Variants in NRIP3 observed in about 807,000 individuals in gnomAD.
NRIP3 encodes the protein nuclear receptor interacting protein 3.
Under a neutral mutation model 29.0 loss-of-function variants are expected in NRIP3, and 31 were observed. That is an observed-to-expected ratio of 1.07 (90% confidence interval 0.80 to 1.44). The LOEUF (loss-of-function observed/expected upper bound fraction) is 1.44, where lower values mean the gene tolerates loss of function less well. Ranked by LOEUF, NRIP3 falls within the 40% of genes most tolerant of loss-of-function variation. The pLI is 0.00. For synonymous variants in NRIP3, 131 were observed against 118.3 expected (o/e 1.11, Z -0.70); for missense variants, 314 against 297.9 (o/e 1.05, Z -0.40).
chr11:9,000,754 C>T (rs1854779358), intron 1 of NRIP3, among the ~76,000 whole-genome samples: 2 of 149,248 alleles, frequency 1.3e-5, no homozygotes, highest in South Asian at 4.4e-4. Flanking sequence ...AGATGTTTTT[C>T]TCCAGCTTCA....
Position 8,980,581 on chromosome 11 carries a change from G to C in NRIP3, c.*2964C>G, listed in dbSNP as rs1229605312. 2 of 152,204 alleles carry C rather than the reference G, an allele frequency of 1.3e-5. No homozygotes were observed. Among genetic ancestry groups the C allele is most frequent in the East Asian group, 1.9e-4 (1 of 5,196 alleles). 9.4% of individuals were successfully genotyped at this position (152,204 alleles called of 1,614,324 possible). A position where few individuals can be genotyped will look rare whatever the true frequency, so the allele number is the denominator to read the frequency against. On this transcript the variant is annotated 3_prime_UTR_variant, in exon 7 of 7. Transcript: ENST00000309166. ...GACTTTGTCAGACAAGCACACAGAGGGGAAGATTTCACTTTATTGTTACAT... is the reference window on the plus strand; with the variant it reads ...GACTTTGTCAGACAAGCACACAGAGCGGAAGATTTCACTTTATTGTTACAT...
intron 1 of NRIP3, among the ~76,000 whole-genome samples, chr11:8,999,357 C>T (rs1226458376): frequency 2.0e-5 from 3 of 152,330 alleles, no homozygotes; most frequent in Admixed American, 6.5e-5. Flanking sequence ...TCAACTCTCA[C>T]TTCAATTACT....
intron 1 of NRIP3, among the ~76,000 whole-genome samples, chr11:8,998,784 A>ATTTTT (rs767253373): frequency 2.1e-4 from 16 of 77,608 alleles, no homozygotes; most frequent in South Asian, 5.9e-4. Context: ...CAAACTCTTC[A>ATTTTT]TTTTTTTTTT....
rs142152039 is a variant in NRIP3, at chr11:8,988,253, G to A, written c.204C>T (p.Leu68=). The part of the protein sequence containing the change: ...MQPHNILQRR[L]METNLSKLRS... ...GGAGCTTAGACAGGTTGGTTTCCATGAGGCGCCTCTGCAGAATATTATGAG... is the reference window on the plus strand; with the variant it reads ...GGAGCTTAGACAGGTTGGTTTCCATAAGGCGCCTCTGCAGAATATTATGAG... The change falls in exon 2 of 7, where the codon CTC becomes CTT. Residue 68 remains leucine, a synonymous_variant. Transcript: ENST00000309166. 4.2e-5 allele frequency: 68 copies of A among 1,614,130 alleles called. No homozygotes were observed. Among genetic ancestry groups the A allele is most frequent in the Non-Finnish European group, 5.3e-5 (62 of 1,179,992 alleles).
chr11:8,997,327 A>G (rs1425134943), intron 1 of NRIP3, among the ~76,000 whole-genome samples: 2 of 136,326 alleles, frequency 1.5e-5, no homozygotes, highest in Non-Finnish European at 3.1e-5. Flanking sequence ...ACTGCACTCC[A>G]GCCTGGTGAG....
rs1488896986 is a variant in NRIP3 at position 8,983,437 on chromosome 11, G to A, written c.*108C>T. On this transcript the variant is annotated 3_prime_UTR_variant, in exon 7 of 7. Transcript: ENST00000309166. Reference sequence around the variant, plus strand: ...CCCTGGAGCTTCTATTAGATGGAAGGACTTGGTCCACAGCAAGTCACTACG... The same window carrying A: ...CCCTGGAGCTTCTATTAGATGGAAGAACTTGGTCCACAGCAAGTCACTACG... 29 of 983,564 alleles carry A rather than the reference G, an allele frequency of 2.9e-5. No individual in the cohort carries two copies. Among genetic ancestry groups the A allele is most frequent in the Non-Finnish European group, 3.7e-5 (24 of 642,694 alleles). The allele number at this position is 983,564 out of a possible 1,614,324, so 60.9% of individuals were successfully genotyped here.
intron 4 of NRIP3, among the ~76,000 whole-genome samples, chr11:8,984,955 G>A (rs1273736071): frequency 6.7e-6 from 1 of 148,896 alleles, no homozygotes; most frequent in Non-Finnish European, 1.5e-5. Flanking sequence ...GGGTCCAAGC[G>A]ATTCTCCTAC....
intron 1 of NRIP3, among the ~76,000 whole-genome samples, chr11:8,991,129 G>A (rs1161389241): frequency 2.6e-5 from 4 of 152,006 alleles, no homozygotes; most frequent in Admixed American, 6.5e-5. Flanking sequence ...GTGAAACCCC[G>A]TCTCTACTAA....
In NRIP3 at chr11:8,984,075, C is replaced by T. The variant is rs760232598; in HGVS notation, c.612G>A (p.Leu204=). 4 of 1,612,238 alleles carry T rather than the reference C, an allele frequency of 2.5e-6. No individual in the cohort carries two copies. Among genetic ancestry groups the T allele is most frequent in the Non-Finnish European group, 3.4e-6 (4 of 1,178,414 alleles). The change falls in exon 5 of 7, where the codon CTG becomes CTA. Residue 204 remains leucine, a synonymous_variant. Transcript: ENST00000309166. ...LSLGLQTLRS[L]KCIINLDKHR... is the part of the protein sequence containing the mutation. ...GGGTAAGTGGAGTCAATCTTACCTT[C>T]AGAGATCGGAGAGTCTGTAGACCAA...
Position 9,003,920 on chromosome 11 carries a change from G to A in NRIP3, c.16C>T (p.Leu6Phe), listed in dbSNP as rs1434311334. 1.3e-6 allele frequency: 2 copies of A among 1,508,608 alleles called. No individual in the cohort carries two copies. The highest frequency in any genetic ancestry group is 5.7e-5 in the East Asian group (2 of 35,080). The allele number at this position is 1,508,608 out of a possible 1,614,324, so 93.5% of individuals were successfully genotyped here. Residue 6 changes from leucine (L) to phenylalanine (F), a missense_variant, in exon 1 of 7, where the codon CTC (leucine) becomes TTC (phenylalanine). Transcript: ENST00000309166. Reference sequence around the variant, plus strand: ...TCCTTGCGGCCGCCCTCAGTGAGGAGCCCTGAGTAAAACATCGCTGAGGCG... The same window carrying A: ...TCCTTGCGGCCGCCCTCAGTGAGGAACCCTGAGTAAAACATCGCTGAGGCG... MFYSG[L>F]LTEGGRKETD...
chr11:9,001,478 C>G (rs1854795722), intron 1 of NRIP3, among the ~76,000 whole-genome samples: 1 of 152,208 alleles, frequency 6.6e-6, no homozygotes, highest in Admixed American at 6.5e-5. Context: ...TTTCTCCTCT[C>G]TCTTCCTTAT....
chr11:9,002,596 T>TAAAAA (rs10701323), intron 1 of NRIP3, among the ~76,000 whole-genome samples: 101 of 101,132 alleles, frequency 1.0e-3, no homozygotes, highest in East Asian at 2.2e-3. Context: ...GCTGTTAAAT[T>TAAAAA]AAAAAAAAAA....
At chr11:8,987,794 A>G (rs921905774) in intron 2 of NRIP3, among the ~76,000 whole-genome samples, 164 bp from the exon 3 acceptor site, 2 of 152,190 alleles carry the variant, frequency 1.3e-5, no homozygotes, top group African/African-American at 4.8e-5. Context: ...TCTGCCTTTG[A>G]CTGGCTCTTG....
chr11:8,987,149 G>T (rs184200078), intron 3 of NRIP3, among the ~76,000 whole-genome samples: 1 of 152,164 alleles, frequency 6.6e-6, no homozygotes, highest in Non-Finnish European at 1.5e-5. Flanking sequence ...GAAAGACTCT[G>T]AGTAAGCTAA....
Position 9,001,291 on chromosome 11 carries a change from T to G in NRIP3, c.174+2471A>C, listed in dbSNP as rs533811396. Among the ~76,000 whole-genome samples the G allele has an allele frequency of 3.3e-5, 5 of 152,312 alleles. No individual in the cohort carries two copies. In the South Asian group the frequency reaches 1.0e-3, roughly 32 times the overall value. On this transcript the variant is annotated intron_variant, in intron 1 of 6. Coordinates refer to ENST00000309166, the MANE Select transcript of NRIP3 (RefSeq NM_020645.3). ...ATGACCCCCTTTGATTTCCTATGGT[T>G]GCCTTCTGCCAGTCCTAAAAGAGCT...
intron 1 of NRIP3, among the ~76,000 whole-genome samples, chr11:9,002,357 G>T (rs1359599673): frequency 6.6e-6 from 1 of 151,892 alleles, no homozygotes; most frequent in Non-Finnish European, 1.5e-5. Flanking sequence ...TCTTTTGCAG[G>T]AGCACATTTC....
At chr11:8,987,480 C>T (rs1854536221) in intron 3 of NRIP3, 68 bp downstream of exon 3, 1 of 1,144,250 alleles carries the variant, frequency 8.7e-7, no homozygotes, top group African/African-American at 1.5e-5. Flanking sequence ...CCATCTCTAA[C>T]CATAAAATAG....
Position 8,982,700 on chromosome 11 carries a change from G to T in NRIP3, c.*845C>A, listed in dbSNP as rs1016298064. On this transcript the variant is annotated 3_prime_UTR_variant, in exon 7 of 7. Transcript: ENST00000309166. ...TTCATCTTTGTACGCTCGTTTTTAG[G>T]CACCAAGATGAGGGCCTAAATGTGA... 28 of 236,728 alleles carry T rather than the reference G, an allele frequency of 1.2e-4. No individual in the cohort carries two copies. Among genetic ancestry groups the T allele is most frequent in the African/African-American group, 6.5e-4 (28 of 42,964 alleles). 14.7% of individuals were successfully genotyped at this position (236,728 alleles called of 1,614,324 possible).
intron 1 of NRIP3, among the ~76,000 whole-genome samples, chr11:8,996,971 T>G (rs186097454): frequency 2.3e-3 from 353 of 152,234 alleles, no homozygotes; most frequent in African/African-American, 7.7e-3. Flanking sequence ...CCCAGCTATT[T>G]GGGAGCTGAG....
Sources: gnomAD v4.1 joint callset for allele counts (sites outside exome capture counted in the v4.1 genomes callset) on GRCh38, gnomAD v4.1.1 for gene constraint, MANE v1.5 for transcripts, NCBI Gene and HGNC (gene_info 2026-07-23, HGNC 2026-07-21) for gene names.